Variants in PHACTR4 observed in about 807,000 individuals in gnomAD.
The protein encoded by PHACTR4 is protein phosphatase 1, regulatory subunit 124.
PHACTR4 carries 51 observed loss-of-function variants against 72.7 expected under a neutral mutation model. That is an observed-to-expected ratio of 0.70 (90% CI 0.56 to 0.89). PHACTR4 has a LOEUF of 0.89. Ranked by LOEUF, PHACTR4 falls within the 40% of genes least tolerant of loss-of-function variation. PHACTR4 has a pLI of 0.00. For missense variants in PHACTR4, 731 were observed against 861.8 expected, an observed-to-expected ratio of 0.85 and a Z score of 1.90; for synonymous variants, 255 against 302.5, an observed-to-expected ratio of 0.84 and a Z score of 1.63.
chr1:28,484,689 C>T (rs561217524), intron 9 of PHACTR4, among the ~76,000 whole-genome samples: 6 of 150,422 alleles, frequency 4.0e-5, no homozygotes, highest in East Asian at 1.9e-4. Context: ...AAACATGGGT[C>T]GGGCGCAGTG....
In PHACTR4 at chr1:28,487,724, G is replaced by GTTTTTTTT. The variant is rs1054105118; in HGVS notation, c.1761-1444_1761-1443insTTTTTTTT. Among the ~76,000 whole-genome samples the GTTTTTTTT allele has an allele frequency of 7.8e-4, 56 of 71,462 alleles. 1 individual carries two copies. Among genetic ancestry groups the GTTTTTTTT allele is most frequent in the African/African-American group, 1.8e-3 (32 of 17,632 alleles). The allele number at this position is 71,462 out of a possible 152,430, so 46.9% of individuals were successfully genotyped here. A position where few individuals can be genotyped will look rare whatever the true frequency, so the allele number is the denominator to read the frequency against. The stretch of plus-strand genomic sequence containing the variant: ...CAAAAATGACAAATTGTAGTTTTTT[G>GTTTTTTTT]TTGTTTTTTTTTTTTTTTTTTTTTT... On this transcript the variant is annotated intron_variant, in intron 9 of 13. Transcript: ENST00000373839.
At chr1:28,486,049 A>C (rs1051511835) in intron 9 of PHACTR4, among the ~76,000 whole-genome samples, 28 of 151,534 alleles carry the variant, frequency 1.8e-4, no homozygotes, top group African/African-American at 6.8e-4. Flanking sequence ...GGATGGCTAA[A>C]GTTATGCAAT....
intron 2 of PHACTR4, among the ~76,000 whole-genome samples, chr1:28,417,106 T>C (rs1335909874): frequency 6.6e-6 from 1 of 151,910 alleles, no homozygotes; most frequent in Non-Finnish European, 1.5e-5. Flanking sequence ...TAGGAAAATA[T>C]AATTTGCCAA....
chr1:28,388,678 C>T (rs561767572), intron 1 of PHACTR4, among the ~76,000 whole-genome samples: 4 of 152,084 alleles, frequency 2.6e-5, no homozygotes, highest in Non-Finnish European at 4.4e-5. Context: ...GGTGAAACCC[C>T]GTCTCTACTA....
intron 1 of PHACTR4, among the ~76,000 whole-genome samples, chr1:28,381,065 G>A (rs1652124991): frequency 6.6e-6 from 1 of 150,952 alleles, no homozygotes; most frequent in Non-Finnish European, 1.5e-5. Context: ...CTGGAGTGCA[G>A]TGGAGTGATC....
chr1:28,488,156 A>G lies in PHACTR4; in HGVS notation c.1761-1014A>G, dbSNP rs183615331. ...TAGAATTATAGAATATCACACAGAA[A>G]GAGACAAACTTAAATTCCAGTGGTT... On this transcript the variant is annotated intron_variant, in intron 9 of 13. Coordinates refer to ENST00000373839, the MANE Select transcript of PHACTR4 (RefSeq NM_001048183.3). 5.3e-5 allele frequency among the ~76,000 whole-genome samples: 8 copies of G among 152,298 alleles called. No individual in the cohort carries two copies. In the East Asian group the frequency reaches 1.5e-3, roughly 29 times the overall value.
intron 2 of PHACTR4, among the ~76,000 whole-genome samples, chr1:28,446,340 A>G (rs1048620648): frequency 3.3e-5 from 5 of 152,172 alleles, no homozygotes; most frequent in African/African-American, 9.7e-5. Flanking sequence ...TAGGTCCCCA[A>G]CCAGATCCCA....
chr1:28,487,790 C>T (rs1438424218), intron 9 of PHACTR4, among the ~76,000 whole-genome samples: 2 of 120,496 alleles, frequency 1.7e-5, no homozygotes, highest in African/African-American at 3.3e-5. Flanking sequence ...AGCAGGAGTG[C>T]AGTAGCATGA....
Position 28,476,142 on chromosome 1 carries a change from C to G in PHACTR4, c.1457C>G (p.Pro486Arg). ...GAAGAAGAAGAGGAGCAAACCTGTC[C>G]ATCCACATTCAGTGAAGAAATGACA... is the stretch of plus-strand genomic sequence containing the variant. ...DDEEEEEQTCPSTFSEEMTPT... is the reference protein window; with the variant it reads ...DDEEEEEQTCRSTFSEEMTPT... Residue 486 changes from proline to arginine, a missense_variant, in exon 8 of 14, where the codon CCA becomes CGA. Pro to Arg is a moderately radical substitution (Grantham distance 103, BLOSUM62 -2). This residue lies in a region of PHACTR4 where 621 missense variants were observed against 676.6 expected (regional missense o/e 0.92). Coordinates refer to ENST00000373839, the MANE Select transcript of PHACTR4 (RefSeq NM_001048183.3). The G allele has an allele frequency of 6.2e-7, 1 of 1,611,528 alleles. No individual in the cohort carries two copies. Among genetic ancestry groups the G allele is most frequent in the Non-Finnish European group, 8.5e-7 (1 of 1,178,956 alleles).
chr1:28,416,135 C>G (rs1342189463), intron 2 of PHACTR4, among the ~76,000 whole-genome samples: 3 of 152,118 alleles, frequency 2.0e-5, no homozygotes, highest in Admixed American at 1.3e-4. Context: ...AAAATACAAG[C>G]TTAATTAGTT....
intron 1 of PHACTR4, among the ~76,000 whole-genome samples, chr1:28,402,270 G>A (rs1256776560): frequency 6.6e-6 from 1 of 152,212 alleles, no homozygotes; most frequent in East Asian, 1.9e-4. Flanking sequence ...ACCTGGGGGG[G>A]AAAAAATTGG....
chr1:28,427,609 G>A (rs1189605978), intron 2 of PHACTR4, among the ~76,000 whole-genome samples: 2 of 152,126 alleles, frequency 1.3e-5, no homozygotes, highest in Non-Finnish European at 2.9e-5. Flanking sequence ...GTTTACTGCG[G>A]GTCTTCACTT....
At chr1:28,454,464 G>A (rs1442106965) in intron 2 of PHACTR4, among the ~76,000 whole-genome samples, 3 of 151,672 alleles carry the variant, frequency 2.0e-5, no homozygotes, top group Non-Finnish European at 4.4e-5. Flanking sequence ...TTTTAGTAGA[G>A]ATGGGGTTTC....
chr1:28,393,592 T>C (rs959539631), intron 1 of PHACTR4, among the ~76,000 whole-genome samples: 3 of 152,232 alleles, frequency 2.0e-5, no homozygotes, highest in Non-Finnish European at 4.4e-5. Flanking sequence ...CATACAATTA[T>C]GTATAGTATA....
At position 28,369,783 on chromosome 1, in the gene PHACTR4, A is replaced by G. The variant is rs771490597; in HGVS notation, c.-81A>G. On this transcript the variant is annotated 5_prime_UTR_variant, in exon 1 of 14. Transcript: ENST00000373839. ...CAACGGGCCAGGTAGGATTTCCGGGAGAGGCTGCTGTGGAGGCTGAGGAGG... is the reference window on the plus strand; with the variant it reads ...CAACGGGCCAGGTAGGATTTCCGGGGGAGGCTGCTGTGGAGGCTGAGGAGG... The G allele has an allele frequency of 4.4e-6, 2 of 455,352 alleles. No individual in the cohort carries two copies. The highest frequency in any genetic ancestry group is 3.1e-5 in the South Asian group (2 of 63,984). 28.2% of individuals were successfully genotyped at this position (455,352 alleles called of 1,614,324 possible).
At chr1:28,487,432 T>G (rs901648090) in intron 9 of PHACTR4, among the ~76,000 whole-genome samples, 1 of 149,806 alleles carries the variant, frequency 6.7e-6, no homozygotes, top group Non-Finnish European at 1.5e-5. Flanking sequence ...GGAGGATCAT[T>G]TGAGCCTAGG....
At chr1:28,444,854 C>G (rs1012491380) in intron 2 of PHACTR4, among the ~76,000 whole-genome samples, 3 of 149,756 alleles carry the variant, frequency 2.0e-5, no homozygotes, top group Admixed American at 1.3e-4. Context: ...GTCTCGATCT[C>G]CTGACCTCGT....
intron 4 of PHACTR4, among the ~76,000 whole-genome samples, chr1:28,463,332 A>G (rs1658939711): frequency 6.6e-6 from 1 of 151,920 alleles, no homozygotes; most frequent in African/African-American, 2.4e-5. Context: ...CCATAGTACT[A>G]CTCCACTTCA....
At chr1:28,438,219 A>G in intron 2 of PHACTR4, 1 of 1,371,252 alleles carries the variant, frequency 7.3e-7, no homozygotes, top group African/African-American at 1.5e-5. Context: ...CTGTATGGGA[A>G]ACAGAAACTT....
Sources: gnomAD v4.1 joint callset for allele counts (sites outside exome capture counted in the v4.1 genomes callset) on GRCh38, gnomAD v4.1.1 for gene constraint, gnomAD v4.1.1 regional missense constraint, MANE v1.5 for transcripts, NCBI Gene and HGNC (gene_info 2026-07-23, HGNC 2026-07-21) for gene names.